Variants in SLC35A1 observed in about 807,000 individuals in gnomAD.
The protein encoded by SLC35A1 is CMP-sialic acid transporter.
A neutral mutation model predicts 40.3 loss-of-function variants in SLC35A1; 21 were observed. The observed-to-expected ratio is 0.52, with a 90% confidence interval of 0.37 to 0.75. The LOEUF (loss-of-function observed/expected upper bound fraction) is 0.75, where lower values mean the gene tolerates loss of function less well. SLC35A1 is among the 30% of genes least tolerant of loss of function. SLC35A1 has a pLI of 0.00. For missense variants in SLC35A1, 297 were observed against 382.1 expected (o/e 0.78, Z 1.86); for synonymous variants, 146 against 147.3 (o/e 0.99, Z 0.06).
chr6:87,507,053 G>C (rs1582195864), intron 5 of SLC35A1: 1 of 152,644 alleles, frequency 6.6e-6, no homozygotes, highest in East Asian at 1.9e-4. Flanking sequence ...AATGCATCAA[G>C]ATAAGAAAGT....
chr6:87,480,689 G>A (rs964987731), intron 2 of SLC35A1, among the ~76,000 whole-genome samples: 2 of 152,188 alleles, frequency 1.3e-5, no homozygotes, highest in African/African-American at 4.8e-5. Flanking sequence ...CCATAGAAAC[G>A]CTCTAAAGTG....
At chr6:87,482,113 A>G (rs1455435774) in intron 2 of SLC35A1, among the ~76,000 whole-genome samples, 3 of 152,188 alleles carry the variant, frequency 2.0e-5, no homozygotes, top group Non-Finnish European at 4.4e-5. Flanking sequence ...ATTTTTCATG[A>G]CTTTCGCAAT....
intron 4 of SLC35A1, among the ~76,000 whole-genome samples, chr6:87,503,808 CTTTCA>C (rs1361140396): frequency 3.3e-5 from 5 of 152,170 alleles, no homozygotes; most frequent in African/African-American, 9.7e-5. Flanking sequence ...ATTAGGAGTC[CTTTCA>C]GTAAGGAAAT....
rs1242486203 is a variant in SLC35A1 at position 87,509,210 on chromosome 6, A to G, written c.886+35A>G. On this transcript the variant is annotated intron_variant, in intron 7 of 7. Transcript: ENST00000369552. Reference sequence around the variant, plus strand: ...AGTTTGTGTTGAGTTTTTAACATGGAAGAGCCTCCCATTTCCTTGATTCAT... The same window carrying G: ...AGTTTGTGTTGAGTTTTTAACATGGGAGAGCCTCCCATTTCCTTGATTCAT... The G allele has an allele frequency of 3.1e-6, 5 of 1,612,810 alleles. No individual in the cohort carries two copies. The South Asian group carries it at 5.5e-5, about 18-fold the overall frequency.
At chr6:87,500,724 T>G (rs1769892474) in intron 3 of SLC35A1, 57 bp downstream of exon 3, 1 of 1,543,088 alleles carries the variant, frequency 6.5e-7, no homozygotes, top group African/African-American at 1.4e-5. Context: ...AAAAGAGTTT[T>G]TATTAACTCT....
At chr6:87,480,434 G>T (rs1202683460) in intron 2 of SLC35A1, among the ~76,000 whole-genome samples, 2 of 152,234 alleles carry the variant, frequency 1.3e-5, no homozygotes, top group Non-Finnish European at 2.9e-5. Flanking sequence ...TGTTTAAAGT[G>T]TGAATGGAAT....
In SLC35A1 at chr6:87,485,766, GA is replaced by G. The variant is rs778636263; in HGVS notation, c.194+8238del. On this transcript the variant is annotated intron_variant, in intron 2 of 7. Transcript: ENST00000369552. The stretch of plus-strand genomic sequence containing the variant: ...AGAGCAAAACTCTGTCTCAGAAAAA[GA>G]AAAAAAAAAATTAGAAGAACTTAGA... Among the ~76,000 whole-genome samples, 698 of 144,128 alleles carry G rather than the reference GA, an allele frequency of 4.8e-3. 2 individuals are homozygous for G. The highest frequency in any genetic ancestry group is 7.4e-3 in the African/African-American group (293 of 39,438). The allele number at this position is 144,128 out of a possible 152,430, so 94.6% of individuals were successfully genotyped here.
At chr6:87,486,419 G>A (rs1360211224) in intron 2 of SLC35A1, among the ~76,000 whole-genome samples, 1 of 152,020 alleles carries the variant, frequency 6.6e-6, no homozygotes, top group Non-Finnish European at 1.5e-5. Context: ...GGACAGTCAG[G>A]TTCACGCATT....
At chr6:87,476,457 G>T (rs913580586) in intron 1 of SLC35A1, among the ~76,000 whole-genome samples, 1 of 152,198 alleles carries the variant, frequency 6.6e-6, no homozygotes, top group African/African-American at 2.4e-5. Flanking sequence ...AGGCGTGGTG[G>T]CTAATGCCTG....
intron 1 of SLC35A1, among the ~76,000 whole-genome samples, chr6:87,475,861 G>A (rs535685938): frequency 1.3e-5 from 2 of 152,198 alleles, no homozygotes; most frequent in African/African-American, 4.8e-5. Context: ...TCAAAGTATG[G>A]CTCTGGAAAG....
chr6:87,495,908 A>G lies in SLC35A1; in HGVS notation c.195-4600A>G, dbSNP rs143804829. Among the ~76,000 whole-genome samples the G allele has an allele frequency of 1.4e-3, 211 of 151,920 alleles. 1 individual carries two copies. The highest frequency in any genetic ancestry group is 2.0e-3 in the Non-Finnish European group (133 of 67,920). On this transcript the variant is annotated intron_variant, in intron 2 of 7. Transcript: ENST00000369552. The stretch of plus-strand genomic sequence containing the variant: ...CTGACCTTGTGATCCGCCCACCTCA[A>G]CCTCCCAGAGTGCTGGGATTAGAGG...
At chr6:87,501,384 T>C (rs938366955) in intron 4 of SLC35A1, 74 bp downstream of exon 4, 19 of 1,400,996 alleles carry the variant, frequency 1.4e-5, no homozygotes, top group African/African-American at 4.3e-5. Context: ...TTCAGTTACA[T>C]TGATGCATGC....
At position 87,500,535 on chromosome 6, in the gene SLC35A1, A is replaced by C; in HGVS notation, c.222A>C (p.Lys74Asn). 1 of 1,614,092 alleles carries C rather than the reference A, an allele frequency of 6.2e-7. No individual in the cohort carries two copies. The highest frequency in any genetic ancestry group is 8.5e-7 in the Non-Finnish European group (1 of 1,179,984). The stretch of plus-strand genomic sequence containing the variant: ...AAACTGGTAGTCTGGGTAGATTCAA[A>C]GCATCTTTAAGAGAAAATGTCTTGG... ...AKETGSLGRF[K>N]ASLRENVLGS... is the part of the protein sequence containing the mutation. The change falls in exon 3 of 8, where the codon AAA (lysine) becomes AAC (asparagine). Residue 74 changes from lysine (K) to asparagine (N), a missense_variant. Coordinates refer to ENST00000369552, the MANE Select transcript of SLC35A1 (RefSeq NM_006416.5).
At chr6:87,481,122 T>C (rs532683017) in intron 2 of SLC35A1, among the ~76,000 whole-genome samples, 29 of 152,264 alleles carry the variant, frequency 1.9e-4, no homozygotes, top group African/African-American at 6.3e-4. Flanking sequence ...TGTTTTAAAT[T>C]TGGGGACACC....
In SLC35A1 at chr6:87,501,095, A is replaced by G. The variant is rs1769910142; in HGVS notation, c.355-63A>G. 9 of 1,380,512 alleles carry G rather than the reference A, an allele frequency of 6.5e-6. 1 individual carries two copies. The Admixed American group carries it at 1.2e-4, about 18-fold the overall frequency. 85.5% of individuals were successfully genotyped at this position (1,380,512 alleles called of 1,614,324 possible). On this transcript the variant is annotated intron_variant, in intron 3 of 7. Coordinates refer to ENST00000369552, the MANE Select transcript of SLC35A1 (RefSeq NM_006416.5). ...GATAATTTTATCAATGATACCAGAA[A>G]TAATATATTTGTATCAGAGACTAAC...
At chr6:87,509,213 A>G in intron 7 of SLC35A1, 38 bp downstream of exon 7, 2 of 1,612,306 alleles carry the variant, frequency 1.2e-6, no homozygotes, top group Non-Finnish European at 1.7e-6. Flanking sequence ...AACATGGAAG[A>G]GCCTCCCATT....
intron 1 of SLC35A1, among the ~76,000 whole-genome samples, chr6:87,473,967 C>T (rs1768995243): frequency 6.6e-6 from 1 of 152,270 alleles, no homozygotes; most frequent in Non-Finnish European, 1.5e-5. Context: ...TCATCAGGCC[C>T]TGCCCAGGGG....
At chr6:87,480,338 G>A (rs1769209991) in intron 2 of SLC35A1, among the ~76,000 whole-genome samples, 1 of 152,210 alleles carries the variant, frequency 6.6e-6, no homozygotes, top group African/African-American at 2.4e-5. Flanking sequence ...TGCACTCCAT[G>A]TCCACTTGAT....
At chr6:87,498,279 C>G (rs1725323891) in intron 2 of SLC35A1, among the ~76,000 whole-genome samples, 3 of 152,078 alleles carry the variant, frequency 2.0e-5, no homozygotes, top group Admixed American at 2.0e-4. Flanking sequence ...TAGAAGGGCA[C>G]TAAAACTTGC....
Sources: allele counts gnomAD v4.1 joint callset (sites outside exome capture counted in the v4.1 genomes callset), GRCh38; gene constraint gnomAD v4.1.1; transcripts MANE v1.5; gene names NCBI Gene and HGNC (gene_info 2026-07-23, HGNC 2026-07-21).